COL8A1: variants seen among roughly 807,000 people sequenced by gnomAD.
COL8A1 encodes collagen alpha-1(VIII) chain.
A neutral mutation model predicts 42.7 loss-of-function variants in COL8A1; 21 were observed. The ratio of observed to expected loss-of-function variants is 0.49; its 90% CI spans 0.35 to 0.71. The LOEUF is 0.71. COL8A1 is among the 30% of genes least tolerant of loss of function. COL8A1 has a pLI of 0.01. For missense variants in COL8A1, 788 were observed against 962.4 expected (o/e 0.82, Z 2.40); for synonymous variants, 367 against 369.1 (o/e 0.99, Z 0.06).
intron 1 of COL8A1, among the ~76,000 whole-genome samples, chr3:99,692,099 C>T (rs1475302404): frequency 6.6e-6 from 1 of 152,050 alleles, no homozygotes; most frequent in African/African-American, 2.4e-5. Context: ...GATGTTTACT[C>T]TCCTCTTTCC....
At chr3:99,658,462 CCAG>C (rs1159779368) in intron 1 of COL8A1, among the ~76,000 whole-genome samples, 1 of 152,184 alleles carries the variant, frequency 6.6e-6, no homozygotes. Context: ...TCTCACATTG[CCAG>C]CATCCTTCTA....
intron 2 of COL8A1, among the ~76,000 whole-genome samples, chr3:99,766,968 T>C (rs985510717): frequency 2.0e-5 from 3 of 151,604 alleles, no homozygotes; most frequent in African/African-American, 7.3e-5. Context: ...AAAAATGATG[T>C]CCTCTAGGGG....
At chr3:99,787,768 T>A (rs1424570764) in intron 2 of COL8A1, among the ~76,000 whole-genome samples, 1 of 152,152 alleles carries the variant, frequency 6.6e-6, no homozygotes, top group Non-Finnish European at 1.5e-5. Context: ...GCTTTTGTCA[T>A]ATGACATGAC....
At chr3:99,734,440 G>T (rs1184398053) in intron 1 of COL8A1, among the ~76,000 whole-genome samples, 2 of 150,248 alleles carry the variant, frequency 1.3e-5, no homozygotes, top group Non-Finnish European at 3.0e-5. Flanking sequence ...TCTCAGGTTT[G>T]TCAAAGATCA....
intron 1 of COL8A1, among the ~76,000 whole-genome samples, chr3:99,705,321 C>A (rs778830401): frequency 3.3e-5 from 5 of 152,186 alleles, no homozygotes; most frequent in Non-Finnish European, 7.3e-5. Flanking sequence ...TAATGTCCAA[C>A]TTCCACCATT....
intron 1 of COL8A1, among the ~76,000 whole-genome samples, chr3:99,723,590 G>A (rs1446391716): frequency 6.6e-6 from 1 of 152,062 alleles, no homozygotes; most frequent in African/African-American, 2.4e-5. Context: ...GTTTCCAATG[G>A]AAAGAAGCCT....
chr3:99,742,076 C>T (rs1025695054), intron 1 of COL8A1, among the ~76,000 whole-genome samples: 4 of 152,128 alleles, frequency 2.6e-5, no homozygotes, highest in Admixed American at 2.0e-4. Flanking sequence ...TATTTTTAAG[C>T]ATCTGTCTAC....
intron 1 of COL8A1, among the ~76,000 whole-genome samples, chr3:99,672,808 TA>T (rs1938585777): frequency 6.6e-6 from 1 of 152,106 alleles, no homozygotes; most frequent in Non-Finnish European, 1.5e-5. Context: ...GTATGCTGAT[TA>T]TTCCATGAAC....
At chr3:99,777,872 G>T (rs1941723298) in intron 2 of COL8A1, among the ~76,000 whole-genome samples, 1 of 152,190 alleles carries the variant, frequency 6.6e-6, no homozygotes, top group Admixed American at 6.6e-5. Context: ...CTCTCAAAGA[G>T]TTTTATTGCT....
At chr3:99,679,156 G>T (rs1252489625) in intron 1 of COL8A1, 1 of 152,210 alleles carries the variant, frequency 6.6e-6, no homozygotes, top group Non-Finnish European at 1.5e-5. Flanking sequence ...AGCCAAGGTT[G>T]CAATCTTCCA....
chr3:99,721,185 C>T (rs1940140553), intron 1 of COL8A1, among the ~76,000 whole-genome samples: 1 of 151,998 alleles, frequency 6.6e-6, no homozygotes, highest in Non-Finnish European at 1.5e-5. Flanking sequence ...CAGGCAGGCA[C>T]TCCCAGTCGT....
At chr3:99,662,381 CAA>C (rs11394075) in intron 1 of COL8A1, among the ~76,000 whole-genome samples, 4 of 126,004 alleles carry the variant, frequency 3.2e-5, no homozygotes, top group Non-Finnish European at 3.3e-5. Flanking sequence ...GACTTTGTCT[CAA>C]AAAAAAAAAA....
At chr3:99,680,558 G>A (rs1334462341) in intron 1 of COL8A1, 1 of 152,130 alleles carries the variant, frequency 6.6e-6, no homozygotes, top group Non-Finnish European at 1.5e-5. Context: ...CTAGATCCTT[G>A]AGGAATCGCC....
chr3:99,710,829 G>A (rs1939813819), intron 1 of COL8A1, among the ~76,000 whole-genome samples: 1 of 152,152 alleles, frequency 6.6e-6, no homozygotes, highest in African/African-American at 2.4e-5. Context: ...TGAGTCCCAG[G>A]TCAATGCTCC....
intron 2 of COL8A1, among the ~76,000 whole-genome samples, chr3:99,769,797 C>T (rs747479606): frequency 6.6e-6 from 1 of 152,036 alleles, no homozygotes; most frequent in Non-Finnish European, 1.5e-5. Flanking sequence ...TACGCACTTG[C>T]AGTCCCAGCT....
chr3:99,733,772 A>C (rs2107388371), intron 1 of COL8A1, among the ~76,000 whole-genome samples: 1 of 151,674 alleles, frequency 6.6e-6, no homozygotes, highest in African/African-American at 2.4e-5. Context: ...CCAACAGTGT[A>C]AAAGTGTTCC....
chr3:99,775,300 A>G (rs1941673867), intron 2 of COL8A1, among the ~76,000 whole-genome samples: 2 of 152,164 alleles, frequency 1.3e-5, no homozygotes, highest in South Asian at 4.1e-4. Context: ...TTCAAGTCTT[A>G]TAACTTAGCT....
At chr3:99,715,568 G>A (rs140514639) in intron 1 of COL8A1, among the ~76,000 whole-genome samples, 2,230 of 152,138 alleles carry the variant, frequency 0.015, 30 homozygotes, top group Middle Eastern at 0.027. Flanking sequence ...TGAGAAGCAG[G>A]AGGCTCTTTA....
At chr3:99,750,291 C>A (rs574417781) in intron 2 of COL8A1, among the ~76,000 whole-genome samples, 1 of 151,990 alleles carries the variant, frequency 6.6e-6, no homozygotes, top group East Asian at 1.9e-4. Context: ...TCCTGATCTC[C>A]AGGAATCCGC....
Sources: allele counts gnomAD v4.1 joint callset (sites outside exome capture counted in the v4.1 genomes callset), GRCh38; gene constraint gnomAD v4.1.1; transcripts MANE v1.5; gene names NCBI Gene and HGNC (gene_info 2026-07-23, HGNC 2026-07-21).